ZNF492: variants seen among roughly 807,000 people sequenced by gnomAD.
ZNF492 encodes the protein zinc finger protein 115 (Y20).
A neutral mutation model predicts 6.4 loss-of-function variants in ZNF492; 3 were observed. The observed-to-expected ratio is 0.47, with a 90% CI of 0.21 to 1.22. The LOEUF (loss-of-function observed/expected upper bound fraction) is 1.22. ZNF492 is among the 50% of genes most tolerant of loss of function. The pLI, the probability that ZNF492 is intolerant of heterozygous loss-of-function variation, is 0.22. For synonymous variants in ZNF492, 112 were observed against 205.3 expected (o/e 0.55, Z 3.89); for missense variants, 356 against 612.5 (o/e 0.58, Z 4.42).
At chr19:22,635,598 C>G (rs1319729717) in intron 1 of ZNF492, among the ~76,000 whole-genome samples, 1 of 152,146 alleles carries the variant, frequency 6.6e-6, no homozygotes, top group Non-Finnish European at 1.5e-5. Flanking sequence ...TTTTGTCTTC[C>G]CTAGGCATAA....
intron 1 of ZNF492, among the ~76,000 whole-genome samples, chr19:22,652,229 T>G (rs866890974): frequency 3.5e-4 from 35 of 98,654 alleles, no homozygotes; most frequent in African/African-American, 6.8e-4. Context: ...GGCTTTTTTT[T>G]TTTTTTTTTG....
chr19:22,642,776 A>G (rs999554801), intron 1 of ZNF492, among the ~76,000 whole-genome samples: 1 of 152,030 alleles, frequency 6.6e-6, no homozygotes, highest in Non-Finnish European at 1.5e-5. Context: ...TTATTTTTTT[A>G]ATTTTCAGTC....
At chr19:22,662,581 C>A (rs1972070193) in intron 3 of ZNF492, among the ~76,000 whole-genome samples, 1 of 151,970 alleles carries the variant, frequency 6.6e-6, no homozygotes, top group Non-Finnish European at 1.5e-5. Context: ...TTCTCCACAT[C>A]CTCTCCAGCA....
intron 3 of ZNF492, among the ~76,000 whole-genome samples, chr19:22,661,324 T>C (rs1324287379): frequency 6.6e-6 from 1 of 152,282 alleles, no homozygotes; most frequent in South Asian, 2.1e-4. Flanking sequence ...GTGTTTAAAA[T>C]GTGTACATCT....
intron 1 of ZNF492, among the ~76,000 whole-genome samples, chr19:22,636,773 A>G (rs1333039490): frequency 2.7e-5 from 4 of 150,600 alleles, no homozygotes; most frequent in Non-Finnish European, 5.9e-5. Context: ...AGCTGGGATT[A>G]CAGGCATGCG....
intron 3 of ZNF492, among the ~76,000 whole-genome samples, chr19:22,654,601 CTTTCTTTTTTTT>C (rs1971974760): frequency 7.4e-6 from 1 of 135,080 alleles, no homozygotes; most frequent in African/African-American, 2.8e-5. Context: ...TTCTTTTTCT[CTTTCTTTTTTTT>C]TTTTTTGAGA....
rs1020908304 is a variant in ZNF492 at position 22,634,392 on chromosome 19, G to T, written c.-176G>T. ...TGTTCTGCGTCCTCTGGTCCTAGAG[G>T]CCCATCCTCTGTGGCCCTGTGACCT... On this transcript the variant is annotated 5_prime_UTR_variant, in exon 1 of 4. Transcript: ENST00000456783. 12 of 1,277,038 alleles carry T rather than the reference G, an allele frequency of 9.4e-6. No homozygotes were observed. The highest frequency in any genetic ancestry group is 1.5e-5 in the African/African-American group (1 of 65,860). The allele number at this position is 1,277,038 out of a possible 1,614,324, so 79.1% of individuals were successfully genotyped here.
At chr19:22,654,632 C>T (rs563054904) in intron 3 of ZNF492, among the ~76,000 whole-genome samples, 4 of 145,272 alleles carry the variant, frequency 2.8e-5, no homozygotes, top group Admixed American at 7.0e-5. Context: ...GATAGAGTCT[C>T]GCTCTGTCAC....
intron 1 of ZNF492, among the ~76,000 whole-genome samples, chr19:22,644,791 G>A (rs568186947): frequency 1.3e-5 from 2 of 152,268 alleles, no homozygotes; most frequent in East Asian, 3.9e-4. Flanking sequence ...CTAGATCCTT[G>A]AGGAATCACC....
chr19:22,642,728 C>T (rs1486871725), intron 1 of ZNF492, among the ~76,000 whole-genome samples: 1 of 151,954 alleles, frequency 6.6e-6, no homozygotes, highest in South Asian at 2.1e-4. Context: ...TTATTTGTAA[C>T]CTGAGATTCA....
At chr19:22,648,862 C>T (rs1301257572) in intron 1 of ZNF492, among the ~76,000 whole-genome samples, 4 of 152,206 alleles carry the variant, frequency 2.6e-5, no homozygotes, top group African/African-American at 9.6e-5. Context: ...ATACAGCACA[C>T]TGATGGGTCT....
At chr19:22,639,299 G>A (rs1462499391) in intron 1 of ZNF492, among the ~76,000 whole-genome samples, 1 of 152,158 alleles carries the variant, frequency 6.6e-6, no homozygotes, top group Non-Finnish European at 1.5e-5. Flanking sequence ...TGATTGTGAA[G>A]GGGTTCTGTT....
intron 3 of ZNF492, among the ~76,000 whole-genome samples, chr19:22,656,327 G>A (rs1971996515): frequency 6.6e-6 from 1 of 150,730 alleles, no homozygotes; most frequent in Non-Finnish European, 1.5e-5. Flanking sequence ...TTTGGACAGA[G>A]TGAGTATCCT....
In ZNF492 at chr19:22,665,435, C is replaced by G. The variant is rs1972114776; in HGVS notation, c.*170C>G. 2 of 1,343,596 alleles carry G rather than the reference C, an allele frequency of 1.5e-6. No individual in the cohort carries two copies. Among genetic ancestry groups the G allele is most frequent in the East Asian group, 2.5e-5 (1 of 39,286 alleles). 83.2% of individuals were successfully genotyped at this position (1,343,596 alleles called of 1,614,324 possible). ...GCCTTTATACTTGAGAACAAATGTACAAATATAAAGAAAGTAAAAAAGTGA... is the reference window on the plus strand; with the variant it reads ...GCCTTTATACTTGAGAACAAATGTAGAAATATAAAGAAAGTAAAAAAGTGA... On this transcript the variant is annotated 3_prime_UTR_variant, in exon 4 of 4. Transcript: ENST00000456783.
chr19:22,662,735 T>C (rs1447219938), intron 3 of ZNF492, among the ~76,000 whole-genome samples: 4 of 151,842 alleles, frequency 2.6e-5, no homozygotes, highest in African/African-American at 7.3e-5. Flanking sequence ...ATGTCTTCTT[T>C]TGAGAAGTGT....
chr19:22,643,715 G>A (rs1266554784), intron 1 of ZNF492, among the ~76,000 whole-genome samples: 4 of 152,156 alleles, frequency 2.6e-5, no homozygotes, highest in Admixed American at 2.0e-4. Flanking sequence ...CCCTTTACTG[G>A]TGCCCTTCCC....
chr19:22,657,563 A>C (rs1461998198), intron 3 of ZNF492, among the ~76,000 whole-genome samples: 2 of 152,034 alleles, frequency 1.3e-5, no homozygotes, highest in African/African-American at 4.8e-5. Flanking sequence ...ATGAGTACAC[A>C]GTTACAGTAA....
chr19:22,645,665 A>C (rs537659907), intron 1 of ZNF492, among the ~76,000 whole-genome samples: 4 of 152,298 alleles, frequency 2.6e-5, no homozygotes, highest in African/African-American at 9.6e-5. Context: ...TTTTACATTT[A>C]AGTCTTTAAT....
At chr19:22,646,444 G>C (rs1160248051) in intron 1 of ZNF492, among the ~76,000 whole-genome samples, 1 of 152,114 alleles carries the variant, frequency 6.6e-6, no homozygotes, top group Admixed American at 6.6e-5. Flanking sequence ...TCTAAATATA[G>C]AATAACGTCA....
Sources: gnomAD v4.1 joint callset for allele counts (sites outside exome capture counted in the v4.1 genomes callset) on GRCh38, gnomAD v4.1.1 for gene constraint, MANE v1.5 for transcripts, NCBI Gene and HGNC (gene_info 2026-07-23, HGNC 2026-07-21) for gene names.